The following CIDEA variants were observed in gnomAD, a reference collection of about 807,000 sequenced individuals.
CIDEA encodes the protein lipid transferase CIDEA.
Under a neutral mutation model 18.2 loss-of-function variants are expected in CIDEA, and 10 were observed. The observed-to-expected ratio is 0.55, with a 90% CI of 0.34 to 0.93. CIDEA has a LOEUF of 0.93. Among genes scored for constraint, CIDEA ranks in the 40% least tolerant of loss-of-function variants. The pLI, the probability that CIDEA is intolerant of heterozygous loss-of-function variation, is 0.02. For synonymous variants in CIDEA, 128 were observed against 124.8 expected, an observed-to-expected ratio of 1.03 and a Z score of -0.17; for missense variants, 309 against 293.1, an observed-to-expected ratio of 1.05 and a Z score of -0.40.
At chr18:12,269,659 A>C (rs139730130) in intron 3 of CIDEA, among the ~76,000 whole-genome samples, 1 of 152,292 alleles carries the variant, frequency 6.6e-6, no homozygotes, top group African/African-American at 2.4e-5. Flanking sequence ...GAGAACAAAG[A>C]AGGCAAACTG....
intron 1 of CIDEA, among the ~76,000 whole-genome samples, chr18:12,262,454 C>G (rs771138900): frequency 6.6e-6 from 1 of 152,310 alleles, no homozygotes; most frequent in South Asian, 2.1e-4. Context: ...TCTAACTCTG[C>G]GTAACTACTT....
Position 12,274,082 on chromosome 18 carries a change from C to T in CIDEA, c.331-11C>T, listed in dbSNP as rs144696999. On this transcript the variant is annotated splice_polypyrimidine_tract_variant and intron_variant, in intron 3 of 4. Coordinates refer to ENST00000320477, the MANE Select transcript of CIDEA (RefSeq NM_001279.4). Reference sequence around the variant, plus strand: ...GGCTCCTGAAGCCTGCCCCTCCCCCCATTGTCACAGGGCAGCCAGCACGTC... The same window carrying T: ...GGCTCCTGAAGCCTGCCCCTCCCCCTATTGTCACAGGGCAGCCAGCACGTC... The T allele has an allele frequency of 1.2e-6, 2 of 1,613,956 alleles. No individual in the cohort carries two copies. The highest frequency in any genetic ancestry group is 1.7e-6 in the Non-Finnish European group (2 of 1,179,906).
intron 3 of CIDEA, among the ~76,000 whole-genome samples, chr18:12,268,940 C>T (rs1195656724): frequency 1.3e-5 from 2 of 151,866 alleles, no homozygotes; most frequent in Non-Finnish European, 1.5e-5. Context: ...ATTCTCCTGC[C>T]TCAGCCTCCC....
At chr18:12,265,411 C>T (rs1186560556) in intron 3 of CIDEA, among the ~76,000 whole-genome samples, 1 of 152,216 alleles carries the variant, frequency 6.6e-6, no homozygotes, top group Non-Finnish European at 1.5e-5. Context: ...CCTGTGAGCA[C>T]CCACAGACCT....
chr18:12,275,983 T>C (rs1905315983), intron 4 of CIDEA, among the ~76,000 whole-genome samples: 1 of 137,520 alleles, frequency 7.3e-6, no homozygotes, highest in Non-Finnish European at 1.6e-5. Flanking sequence ...ATCTTTTTTC[T>C]TTTTCTTTTC....
intron 1 of CIDEA, among the ~76,000 whole-genome samples, chr18:12,257,702 A>G (rs1388156966): frequency 6.6e-6 from 1 of 152,130 alleles, no homozygotes; most frequent in African/African-American, 2.4e-5. Context: ...GTTTCCTTAT[A>G]TCTTCCCTGT....
intron 4 of CIDEA, among the ~76,000 whole-genome samples, chr18:12,276,813 A>T (rs1476957654): frequency 6.6e-6 from 1 of 152,132 alleles, no homozygotes; most frequent in East Asian, 1.9e-4. Context: ...CTTGCCAGCC[A>T]CTCAACAAGC....
chr18:12,271,623 C>A (rs1451664053), intron 3 of CIDEA, among the ~76,000 whole-genome samples: 5 of 152,134 alleles, frequency 3.3e-5, no homozygotes, highest in South Asian at 2.1e-4. Flanking sequence ...TGGTGGTGGG[C>A]GCTGGGAACC....
rs540701358 is a variant in CIDEA, at chr18:12,269,258, T to G, written c.330+4805T>G. On this transcript the variant is annotated intron_variant, in intron 3 of 4. Coordinates refer to ENST00000320477, the MANE Select transcript of CIDEA (RefSeq NM_001279.4). ...AGATTCTTATATCTGCTTCTTTATATTCAGTCTGTTGTAACATATTGTTTT... is the reference window on the plus strand; with the variant it reads ...AGATTCTTATATCTGCTTCTTTATAGTCAGTCTGTTGTAACATATTGTTTT... 3.9e-5 allele frequency among the ~76,000 whole-genome samples: 6 copies of G among 152,362 alleles called. No individual in the cohort carries two copies. In the East Asian group the frequency reaches 1.2e-3, roughly 29 times the overall value.
intron 1 of CIDEA, chr18:12,254,790 C>A: frequency 7.4e-7 from 1 of 1,353,622 alleles, no homozygotes; most frequent in Non-Finnish European, 9.8e-7. Context: ...GGGTCCGGTC[C>A]CAGGAACCCC....
intron 3 of CIDEA, among the ~76,000 whole-genome samples, chr18:12,265,399 C>A (rs1017135072): frequency 6.6e-6 from 1 of 152,258 alleles, no homozygotes; most frequent in African/African-American, 2.4e-5. Context: ...GGGGTTCCCC[C>A]ACCTGTGAGC....
At chr18:12,271,447 C>T (rs760736062) in intron 3 of CIDEA, among the ~76,000 whole-genome samples, 6 of 152,242 alleles carry the variant, frequency 3.9e-5, no homozygotes, top group Admixed American at 3.9e-4. Context: ...CCGCAGCCCC[C>T]ACGGCGGCCC....
chr18:12,271,977 A>G (rs1488077812), intron 3 of CIDEA, among the ~76,000 whole-genome samples: 1 of 151,982 alleles, frequency 6.6e-6, no homozygotes, highest in East Asian at 1.9e-4. Flanking sequence ...AAAACTTTCA[A>G]AAGTCAGAAA....
intron 1 of CIDEA, among the ~76,000 whole-genome samples, chr18:12,260,401 G>C (rs951082177): frequency 2.0e-5 from 3 of 151,932 alleles, no homozygotes; most frequent in Non-Finnish European, 4.4e-5. Context: ...GCCCAGATTG[G>C]TCTCTAACTC....
At chr18:12,274,787 A>G (rs564523566) in intron 4 of CIDEA, among the ~76,000 whole-genome samples, 2 of 152,228 alleles carry the variant, frequency 1.3e-5, no homozygotes, top group Non-Finnish European at 2.9e-5. Flanking sequence ...GTTGCACAGC[A>G]TCCCAGGAAA....
At chr18:12,266,158 G>C (rs1485515075) in intron 3 of CIDEA, among the ~76,000 whole-genome samples, 2 of 152,034 alleles carry the variant, frequency 1.3e-5, no homozygotes, top group Non-Finnish European at 2.9e-5. Context: ...TTGAGCCCAG[G>C]ACTTGGATGC....
chr18:12,261,170 G>A (rs576368506), intron 1 of CIDEA, among the ~76,000 whole-genome samples: 2 of 152,192 alleles, frequency 1.3e-5, no homozygotes, highest in Admixed American at 6.5e-5. Flanking sequence ...ATCACTTGAG[G>A]TCAGGAGTTT....
At chr18:12,255,556 C>T (rs2144053675) in intron 1 of CIDEA, among the ~76,000 whole-genome samples, 1 of 152,348 alleles carries the variant, frequency 6.6e-6, no homozygotes, top group African/African-American at 2.4e-5. Flanking sequence ...GGTCAGGGCC[C>T]TGTATCTTTT....
intron 1 of CIDEA, among the ~76,000 whole-genome samples, chr18:12,260,482 A>T (rs1238902262): frequency 1.3e-5 from 2 of 152,144 alleles, no homozygotes; most frequent in African/African-American, 4.8e-5. Flanking sequence ...CATTGCACCC[A>T]GCCAACTATC....
Sources: gnomAD v4.1 joint callset for allele counts (sites outside exome capture counted in the v4.1 genomes callset) on GRCh38, gnomAD v4.1.1 for gene constraint, MANE v1.5 for transcripts, NCBI Gene and HGNC (gene_info 2026-07-23, HGNC 2026-07-21) for gene names.